XBP1: variants seen among roughly 807,000 people sequenced by gnomAD.
XBP1 encodes X-box-binding protein 1.
Under a neutral mutation model 34.6 loss-of-function variants are expected in XBP1, and 18 were observed. The observed-to-expected ratio is 0.52, with a 90% CI of 0.36 to 0.77. The LOEUF (loss-of-function observed/expected upper bound fraction) is 0.77, where lower values mean the gene tolerates loss of function less well. Among genes scored for constraint, XBP1 ranks in the 30% least tolerant of loss-of-function variants. The pLI is 0.00. For missense variants in XBP1, 422 were observed against 464.6 expected (o/e 0.91, Z 0.84); for synonymous variants, 191 against 193.4 (o/e 0.99, Z 0.11).
At chr22:28,798,510 C>T (rs967947021) in intron 2 of XBP1, among the ~76,000 whole-genome samples, 1 of 151,732 alleles carries the variant, frequency 6.6e-6, no homozygotes, top group African/African-American at 2.4e-5. Context: ...GGTTTCACCA[C>T]GTTGGTCAGG....
chr22:28,800,491 C>T (rs1397253009), exon 1 of XBP1: 2 of 1,485,184 alleles, frequency 1.3e-6, no homozygotes, highest in Non-Finnish European at 8.9e-7. Context: ...GGGGTCCCGT[C>T]GGCCGGGTTC....
At position 28,800,297 on chromosome 22, in the gene XBP1, C is replaced by T. The variant is rs1347356897; in HGVS notation, c.227+1G>A. 6.4e-7 allele frequency: 1 copy of T among 1,555,194 alleles called. No individual in the cohort carries two copies. The highest frequency in any genetic ancestry group is 1.2e-5 in the South Asian group (1 of 84,552). On this transcript the variant is annotated splice_donor_variant, in intron 1 of 5. Coordinates refer to ENST00000344347, the Ensembl canonical transcript of XBP1. LOFTEE classifies it high-confidence loss of function. ...GCCCCAGACCCCGGCCCCTCGCCCA[C>T]CTCCTCAGCGCCTTCTCCTCGGGGC...
At chr22:28,799,256 A>G in intron 1 of XBP1, 103 bp from the exon 2 acceptor site, 1 of 759,672 alleles carries the variant, frequency 1.3e-6, no homozygotes, top group South Asian at 1.8e-5. Flanking sequence ...TTTACAGTAT[A>G]AGACAGACTA....
intron 2 of XBP1, among the ~76,000 whole-genome samples, chr22:28,798,283 C>T (rs1413952775): frequency 1.4e-5 from 2 of 145,840 alleles, no homozygotes; most frequent in Non-Finnish European, 3.0e-5. Context: ...CACCAACTCT[C>T]TGTCCTAACT....
intron 1 of XBP1, 139 bp downstream of exon 1, chr22:28,800,159 C>A: frequency 9.7e-7 from 1 of 1,031,232 alleles, no homozygotes; most frequent in Non-Finnish European, 1.4e-6. Flanking sequence ...CCGCGCCACG[C>A]TGGCACCGAC....
chr22:28,799,937 TAAACC>T, intron 1 of XBP1: 1 of 777,534 alleles, frequency 1.3e-6, no homozygotes, highest in Non-Finnish European at 2.4e-6. Context: ...GAAATAGCAG[TAAACC>T]AAAACAGATT....
At chr22:28,799,089 G>A (rs879079081) in exon 2 of XBP1, 2 of 1,614,098 alleles carry the variant, frequency 1.2e-6, no homozygotes, top group South Asian at 1.1e-5. Context: ...TGCTGTTCCA[G>A]CTCACTCATT....
chr22:28,800,126 C>A, intron 1 of XBP1, 172 bp downstream of exon 1: 1 of 774,714 alleles, frequency 1.3e-6, no homozygotes, highest in South Asian at 1.6e-5. Flanking sequence ...CGGATCCGGT[C>A]AGTCCGGGCT....
At chr22:28,800,118 G>A in intron 1 of XBP1, 180 bp downstream of exon 1, 1 of 751,152 alleles carries the variant, frequency 1.3e-6, no homozygotes, top group Non-Finnish European at 2.3e-6. Context: ...CAGCGTGGCG[G>A]ATCCGGTCAG....
Position 28,798,370 on chromosome 22 carries a change from G to A in XBP1, c.324+687C>T, listed in dbSNP as rs369322871. 2.4e-3 allele frequency among the ~76,000 whole-genome samples: 354 copies of A among 146,648 alleles called. 2 individuals are homozygous for A. Among genetic ancestry groups the A allele is most frequent in the African/African-American group, 8.6e-3 (336 of 38,992 alleles). On this transcript the variant is annotated intron_variant, in intron 2 of 5. Transcript: ENST00000344347. ...GACTGGAGTGCAGTGGCATGATCTC[G>A]TGATCTCAGCTCACTGCAACCTCCG...
rs571326514 is a variant in XBP1 at position 28,797,294 on chromosome 22, T to G, written c.325-89A>C. On this transcript the variant is annotated intron_variant, in intron 2 of 5. Transcript: ENST00000344347. The stretch of plus-strand genomic sequence containing the variant: ...TTCAGTATAATTGGTTTCCTTTCCT[T>G]CTTGAACTTTTGGAAAACTCTATGC... 475 of 1,459,746 alleles carry G rather than the reference T, an allele frequency of 3.3e-4. 9 individuals are homozygous for G. Among genetic ancestry groups the G allele is most frequent in the Middle Eastern group, 2.9e-3 (16 of 5,604 alleles). The allele number at this position is 1,459,746 out of a possible 1,614,324, so 90.4% of individuals were successfully genotyped here.
intron 1 of XBP1, 105 bp from the exon 2 acceptor site, chr22:28,799,258 G>T (rs2031818112): frequency 1.3e-6 from 1 of 760,982 alleles, no homozygotes; most frequent in Non-Finnish European, 2.1e-6. Flanking sequence ...TACAGTATAA[G>T]ACAGACTAAT....
intron 1 of XBP1, 57 bp downstream of exon 1, chr22:28,800,241 G>T: frequency 6.5e-7 from 1 of 1,527,328 alleles, no homozygotes; most frequent in Non-Finnish European, 8.9e-7. Context: ...CCCTGCCCCT[G>T]CCCCTGTCCC....
chr22:28,796,169 G>C, exon 4 of XBP1: 1 of 1,583,218 alleles, frequency 6.3e-7, no homozygotes, highest in East Asian at 2.3e-5. Context: ...CAGCAGACCC[G>C]GCCACTGGCC....
intron 2 of XBP1, among the ~76,000 whole-genome samples, chr22:28,798,317 T>TTTTTTTTTTTTA (rs2031788917): frequency 1.3e-5 from 2 of 150,352 alleles, no homozygotes; most frequent in African/African-American, 4.9e-5. Context: ...TTTTTTTTTT[T>TTTTTTTTTTTTA]GAGACAGGGT....
exon 3 of XBP1, chr22:28,797,156 C>A (rs2031766418): frequency 6.2e-7 from 1 of 1,613,470 alleles, no homozygotes; most frequent in Admixed American, 1.7e-5. Flanking sequence ...AACTACAAGG[C>A]CATGAGTTTT....
At chr22:28,799,097 A>G in exon 2 of XBP1, 1 of 1,614,150 alleles carries the variant, frequency 6.2e-7, no homozygotes, top group South Asian at 1.1e-5. Flanking sequence ...CAGCTCACTC[A>G]TTCGAGCCTT....
At position 28,795,499 on chromosome 22, in the gene XBP1, G is replaced by C. The variant is rs897055825; in HGVS notation, c.807C>G (p.Pro269=). The C allele has an allele frequency of 7.4e-6, 12 of 1,614,098 alleles. No individual in the cohort carries two copies. In the African/African-American group the frequency reaches 1.2e-4, roughly 16 times the overall value. ...CATTAGCTTGGCTCTCTGTCTCAGA[G>C]GGTATCTCTAAGACTAGGGGCTTGG... is the stretch of plus-strand genomic sequence containing the variant. Residue 269 remains proline (P), a synonymous_variant, in exon 6 of 6, where the codon CCC becomes CCG. Coordinates refer to ENST00000344347, the Ensembl canonical transcript of XBP1.
chr22:28,800,535 T>TACGCACC (rs1251127645), upstream of XBP1: 78 of 1,480,618 alleles, frequency 5.3e-5, no homozygotes, highest in Middle Eastern at 3.6e-4. Flanking sequence ...AGCTCCAGAC[T>TACGCACC]ACGCACCGCG....
Sources: allele counts gnomAD v4.1 joint callset (sites outside exome capture counted in the v4.1 genomes callset), GRCh38; gene constraint gnomAD v4.1.1; transcripts MANE v1.5; gene names NCBI Gene and HGNC (gene_info 2026-07-23, HGNC 2026-07-21).